Variants in PUS10 observed in about 807,000 individuals in gnomAD.
PUS10 encodes tRNA pseudouridine synthase Pus10.
A neutral mutation model predicts 75.0 loss-of-function variants in PUS10; 59 were observed. The ratio of observed to expected loss-of-function variants is 0.79; its 90% CI spans 0.64 to 0.98. The LOEUF is 0.98. Among genes scored for constraint, PUS10 ranks in the 50% least tolerant of loss-of-function variants. The pLI, the probability that PUS10 is intolerant of heterozygous loss-of-function variation, is 0.00. For synonymous variants in PUS10, 219 were observed against 211.6 expected, an observed-to-expected ratio of 1.03 and a Z score of -0.30; for missense variants, 650 against 614.4, an observed-to-expected ratio of 1.06 and a Z score of -0.61.
At chr2:60,951,881 A>G (rs1471293452) in intron 15 of PUS10, among the ~76,000 whole-genome samples, 2 of 152,196 alleles carry the variant, frequency 1.3e-5, no homozygotes, top group African/African-American at 4.8e-5. Flanking sequence ...ATAATTTTCA[A>G]TGGCTGAATA....
intron 4 of PUS10, among the ~76,000 whole-genome samples, chr2:60,992,527 T>C (rs555751552): frequency 5.9e-5 from 9 of 152,272 alleles, no homozygotes; most frequent in African/African-American, 1.9e-4. Context: ...GTGATAATAC[T>C]AAAGGAATAT....
At chr2:61,003,129 CT>C (rs1308958975) in intron 4 of PUS10, among the ~76,000 whole-genome samples, 1 of 152,140 alleles carries the variant, frequency 6.6e-6, no homozygotes, top group Non-Finnish European at 1.5e-5. Context: ...ACTTTTCTTT[CT>C]AAGCTTTTAA....
chr2:60,957,426 A>G (rs1157985295), intron 11 of PUS10, among the ~76,000 whole-genome samples: 1 of 152,146 alleles, frequency 6.6e-6, no homozygotes, highest in Non-Finnish European at 1.5e-5. Context: ...AACATGTAGT[A>G]CCCCCAGCCC....
In PUS10 at chr2:61,017,765, G is replaced by T. The variant is rs573461186; in HGVS notation, c.-16+243C>A. 1.9e-6 allele frequency: 3 copies of T among 1,549,400 alleles called. No homozygotes were observed. Among genetic ancestry groups the T allele is most frequent in the Non-Finnish European group, 2.6e-6 (3 of 1,146,700 alleles). ...GCCGAGAGGAGGCGGAGGAGATGGCGTCCCAGCCGCCACCTCCCCCCAAAC... is the reference window on the plus strand; with the variant it reads ...GCCGAGAGGAGGCGGAGGAGATGGCTTCCCAGCCGCCACCTCCCCCCAAAC... On this transcript the variant is annotated intron_variant, in intron 1 of 17. Transcript: ENST00000316752.
rs1180833259 is a variant in PUS10 at position 61,018,118 on chromosome 2, G to T, written c.-126C>A. 3 of 1,547,134 alleles carry T rather than the reference G, an allele frequency of 1.9e-6. No individual in the cohort carries two copies. Among genetic ancestry groups the T allele is most frequent in the East Asian group, 2.4e-5 (1 of 41,004 alleles). On this transcript the variant is annotated 5_prime_UTR_variant, in exon 1 of 18. Coordinates refer to ENST00000316752, the MANE Select transcript of PUS10 (RefSeq NM_144709.4). ...TCTGGGTCTCTGTGCTTGAAAGAAA[G>T]GGGGGCGGCTTCCTACCTACCGCTT...
At chr2:61,017,321 G>A (rs1399833511) in intron 1 of PUS10, 1 of 158,346 alleles carries the variant, frequency 6.3e-6, no homozygotes, top group African/African-American at 2.4e-5. Flanking sequence ...GACTAAGTGA[G>A]CTTCTCCCTT....
Position 61,018,121 on chromosome 2 carries a change from G to T in PUS10, c.-129C>A. ...GGGTCTCTGTGCTTGAAAGAAAGGGGGGCGGCTTCCTACCTACCGCTTCTG... is the reference window on the plus strand; with the variant it reads ...GGGTCTCTGTGCTTGAAAGAAAGGGTGGCGGCTTCCTACCTACCGCTTCTG... On this transcript the variant is annotated 5_prime_UTR_variant, in exon 1 of 18. Coordinates refer to ENST00000316752, the MANE Select transcript of PUS10 (RefSeq NM_144709.4). 1 of 1,547,628 alleles carries T rather than the reference G, an allele frequency of 6.5e-7. No individual in the cohort carries two copies. Among genetic ancestry groups the T allele is most frequent in the Non-Finnish European group, 8.7e-7 (1 of 1,145,608 alleles).
intron 4 of PUS10, among the ~76,000 whole-genome samples, chr2:60,992,675 T>C (rs1573481378): frequency 6.6e-6 from 1 of 152,208 alleles, no homozygotes; most frequent in East Asian, 1.9e-4. Flanking sequence ...GTTAATACCT[T>C]TGCATCTATT....
chr2:60,961,049 C>G (rs1675998960), intron 10 of PUS10, among the ~76,000 whole-genome samples: 1 of 152,158 alleles, frequency 6.6e-6, no homozygotes, highest in Non-Finnish European at 1.5e-5. Flanking sequence ...AGTCAATGAA[C>G]AATTTCTTTC....
chr2:60,994,019 G>A (rs1320114832), intron 4 of PUS10, among the ~76,000 whole-genome samples: 1 of 152,070 alleles, frequency 6.6e-6, no homozygotes, highest in Non-Finnish European at 1.5e-5. Context: ...TCGATCTCCT[G>A]ACCTCGTGAT....
In PUS10 at chr2:60,976,980, T is replaced by C. The variant is rs147725357; in HGVS notation, c.469-5423A>G. Among the ~76,000 whole-genome samples the C allele has an allele frequency of 3.9e-3, 590 of 152,266 alleles. 1 individual carries two copies. Among genetic ancestry groups the C allele is most frequent in the Non-Finnish European group, 5.8e-3 (397 of 68,024 alleles). On this transcript the variant is annotated intron_variant, in intron 4 of 17. Coordinates refer to ENST00000316752, the MANE Select transcript of PUS10 (RefSeq NM_144709.4). ...TTGATACCAGAGGCAGTATGTCACC[T>C]CTGGAAAATTAAGAAAACACAATTT...
intron 1 of PUS10, chr2:61,017,799 A>T: frequency 6.5e-7 from 1 of 1,550,156 alleles, no homozygotes; most frequent in Non-Finnish European, 8.7e-7. Context: ...ACCCTGGGAG[A>T]CCCGCCGAAT....
At chr2:61,017,929 T>A in intron 1 of PUS10, 79 bp downstream of exon 1, 1 of 1,434,832 alleles carries the variant, frequency 7.0e-7, no homozygotes. Context: ...TAGCGGTTGT[T>A]AGTGGAGGTA....
intron 17 of PUS10, among the ~76,000 whole-genome samples, chr2:60,943,866 C>T: frequency 6.6e-6 from 1 of 151,860 alleles, no homozygotes; most frequent in East Asian, 1.9e-4. Context: ...TTGAGAAACA[C>T]TGGCCTGTGA....
At chr2:60,962,724 C>G (rs1573414025) in intron 9 of PUS10, 102 bp downstream of exon 9, 4 of 1,468,930 alleles carry the variant, frequency 2.7e-6, no homozygotes, top group Non-Finnish European at 1.8e-6. Context: ...ATCCTGGCCC[C>G]TGAAATACAT....
At chr2:60,969,112 A>G (rs1182303500) in intron 5 of PUS10, among the ~76,000 whole-genome samples, 1 of 152,230 alleles carries the variant, frequency 6.6e-6, no homozygotes, top group Non-Finnish European at 1.5e-5. Context: ...GTTGTTACAA[A>G]AGCGAATCCC....
chr2:60,955,839 C>T (rs1675614680), intron 11 of PUS10, among the ~76,000 whole-genome samples: 1 of 152,106 alleles, frequency 6.6e-6, no homozygotes, highest in Non-Finnish European at 1.5e-5. Context: ...ACCCCTCTGG[C>T]CATAAGCGTA....
At position 61,008,871 on chromosome 2, in the gene PUS10, T is replaced by C. The variant is rs1303566535; in HGVS notation, c.271A>G (p.Ile91Val). ...DNLSQNGEGR[I>V]SVSHVGSTAS... ...GTGCTTCCAACATGACTAACAGAGA[T>C]CCTTCCCTCTCCATTTTGACTTAGA... Residue 91 changes from isoleucine (I) to valine (V), a missense_variant, in exon 3 of 18, where the codon ATC (isoleucine) becomes GTC (valine). Transcript: ENST00000316752. The C allele has an allele frequency of 6.2e-7, 1 of 1,613,882 alleles. No individual in the cohort carries two copies. Among genetic ancestry groups the C allele is most frequent in the Non-Finnish European group, 8.5e-7 (1 of 1,179,862 alleles).
intron 3 of PUS10, 37 bp downstream of exon 3, chr2:61,008,724 A>C: frequency 2.1e-6 from 3 of 1,433,398 alleles, no homozygotes; most frequent in Non-Finnish European, 2.8e-6. Context: ...GAAAATCTCT[A>C]CATAATTGCA....
Sources: gnomAD v4.1 joint callset for allele counts (sites outside exome capture counted in the v4.1 genomes callset) on GRCh38, gnomAD v4.1.1 for gene constraint, MANE v1.5 for transcripts, NCBI Gene and HGNC (gene_info 2026-07-23, HGNC 2026-07-21) for gene names.